Variants in GPC1 observed in about 807,000 individuals in gnomAD.
GPC1 encodes glypican-1.
In GPC1, 26 loss-of-function variants were observed where a neutral mutation model predicts 51.5. The ratio of observed to expected loss-of-function variants is 0.50; its 90% CI spans 0.37 to 0.70. The LOEUF is 0.70. Among genes scored for constraint, GPC1 ranks in the 30% least tolerant of loss-of-function variants. The pLI is 0.00. For synonymous variants in GPC1, 380 were observed against 348.3 expected, an observed-to-expected ratio of 1.09 and a Z score of -1.01; for missense variants, 775 against 800.5, an observed-to-expected ratio of 0.97 and a Z score of 0.38.
At chr2:240,454,944 G>A in intron 1 of GPC1, 2 of 237,044 alleles carry the variant, frequency 8.4e-6, no homozygotes, top group South Asian at 4.4e-5. Context: ...AAGCTTTGGG[G>A]TGAAGGTGCT....
intron 1 of GPC1, chr2:240,454,979 T>C: frequency 1.3e-5 from 3 of 223,690 alleles, no homozygotes; most frequent in South Asian, 5.0e-5. Flanking sequence ...AACTGCGGGG[T>C]GGGGACATGT....
intron 1 of GPC1, among the ~76,000 whole-genome samples, chr2:240,443,460 G>C (rs1049423220): frequency 3.9e-5 from 6 of 152,208 alleles, no homozygotes; most frequent in African/African-American, 1.4e-4. Context: ...CTTGGGTCCT[G>C]CAGGCTTGGC....
In GPC1 at chr2:240,458,763, GC is replaced by G. The variant is rs545216800; in HGVS notation, c.167-266del. ...AGCTGCTGGGACAGCAGGCTGGGGG[GC>G]AGGACTTGCCCAAGGGGCCTCCTGC... On this transcript the variant is annotated intron_variant, in intron 1 of 8. Coordinates refer to ENST00000264039, the MANE Select transcript of GPC1 (RefSeq NM_002081.3). 497 of 439,834 alleles carry G rather than the reference GC, an allele frequency of 1.1e-3. 3 individuals are homozygous for G. The highest frequency in any genetic ancestry group is 1.6e-3 in the Non-Finnish European group (398 of 247,106). 27.2% of individuals were successfully genotyped at this position (439,834 alleles called of 1,614,324 possible).
In GPC1 at chr2:240,462,180, C is replaced by T. The variant is rs2074221477; in HGVS notation, c.326-11C>T. ...AACATGGTCCCGATCACGCCCCCTC[C>T]CTGTGCGCAGACCACTTCCAGCACC... On this transcript the variant is annotated splice_polypyrimidine_tract_variant and intron_variant, in intron 2 of 8. Coordinates refer to ENST00000264039, the MANE Select transcript of GPC1 (RefSeq NM_002081.3). 6.4e-7 allele frequency: 1 copy of T among 1,572,202 alleles called. No homozygotes were observed. The highest frequency in any genetic ancestry group is 8.7e-7 in the Non-Finnish European group (1 of 1,155,860).
In GPC1 at chr2:240,435,888, G is replaced by T; in HGVS notation, c.-31G>T. 4.1e-6 allele frequency: 5 copies of T among 1,212,988 alleles called. No individual in the cohort carries two copies. The highest frequency in any genetic ancestry group is 5.1e-6 in the Non-Finnish European group (5 of 971,748). The allele number at this position is 1,212,988 out of a possible 1,614,324, so 75.1% of individuals were successfully genotyped here. A position where few individuals can be genotyped will look rare whatever the true frequency, so the allele number is the denominator to read the frequency against. On this transcript the variant is annotated 5_prime_UTR_variant, in exon 1 of 9. Transcript: ENST00000264039. ...CGGCCAGGATCCGAGAGAGGCGCGG[G>T]CGGGTGGCCGGGGGCGCCGCCGGCC...
At chr2:240,454,634 A>T (rs752772831) in intron 1 of GPC1, among the ~76,000 whole-genome samples, 3 of 152,226 alleles carry the variant, frequency 2.0e-5, no homozygotes, top group Admixed American at 6.5e-5. Flanking sequence ...GTGGGAGGCA[A>T]TGCAGGCTGA....
intron 4 of GPC1, chr2:240,464,327 T>G (rs535226911): frequency 3.2e-5 from 14 of 437,792 alleles, no homozygotes; most frequent in Middle Eastern, 6.8e-4. Context: ...TGAGCCAGCG[T>G]GGACATACGA....
Position 240,448,707 on chromosome 2 carries a change from C to T in GPC1, c.167-10323C>T, listed in dbSNP as rs1225742933. On this transcript the variant is annotated intron_variant, in intron 1 of 8. Coordinates refer to ENST00000264039, the MANE Select transcript of GPC1 (RefSeq NM_002081.3). This position sits in a 1 kb window ranked among gnomAD's most constrained non-coding sequence, Gnocchi z 4.5. ...GTCTCCCTGGGCTGGGAGCCCTGGG[C>T]GTTCTCGGTGGTGGGCTGTGTGACC... Among the ~76,000 whole-genome samples the T allele has an allele frequency of 6.6e-6, 1 of 152,030 alleles. No homozygotes were observed. Among genetic ancestry groups the T allele is most frequent in the Non-Finnish European group, 1.5e-5 (1 of 67,992 alleles).
chr2:240,443,953 C>T (rs1011133874), intron 1 of GPC1, among the ~76,000 whole-genome samples: 4 of 152,262 alleles, frequency 2.6e-5, no homozygotes, highest in South Asian at 2.1e-4. Context: ...GAGTGACTCA[C>T]TCCTGCTCTG....
intron 2 of GPC1, among the ~76,000 whole-genome samples, 187 bp from the exon 3 acceptor site, chr2:240,462,003 AG>A (rs1343080580): frequency 2.6e-5 from 4 of 151,948 alleles, no homozygotes; most frequent in African/African-American, 7.3e-5. Flanking sequence ...TCCCCAGGCC[AG>A]GGGGTGAGGT....
At chr2:240,456,008 C>T (rs1341642538) in intron 1 of GPC1, 28 of 430,996 alleles carry the variant, frequency 6.5e-5, no homozygotes, top group Non-Finnish European at 1.2e-4. Context: ...CAGGCCGGCG[C>T]CCGAGCTCTG....
At chr2:240,456,089 A>C (rs933053137) in intron 1 of GPC1, 4 of 315,090 alleles carry the variant, frequency 1.3e-5, no homozygotes, top group East Asian at 1.6e-4. Flanking sequence ...GGGCAGCTGG[A>C]ACAACGCAGG....
chr2:240,462,482 C>T lies in GPC1; in HGVS notation c.617C>T (p.Pro206Leu), dbSNP rs371738379. Residue 206 changes from proline (P) to leucine (L), a missense_variant, in exon 3 of 9, where the codon CCG becomes CTG. By Grantham distance (98) the Pro-to-Leu change is moderately conservative (BLOSUM62 -3). Coordinates refer to ENST00000264039, the MANE Select transcript of GPC1 (RefSeq NM_002081.3). Reference protein sequence around the residue: ...AEALRPFGEAPRELRLRATRA... With the variant: ...AEALRPFGEALRELRLRATRA... Reference sequence around the variant, plus strand: ...GCGCTGCGGCCCTTCGGGGAGGCCCCGAGAGAGCTGCGCCTGCGGGCCACC... The same window carrying T: ...GCGCTGCGGCCCTTCGGGGAGGCCCTGAGAGAGCTGCGCCTGCGGGCCACC... The T allele has an allele frequency of 1.2e-5, 20 of 1,600,940 alleles. No individual in the cohort carries two copies. In the Admixed American group the frequency reaches 1.3e-4, roughly 11 times the overall value.
intron 1 of GPC1, among the ~76,000 whole-genome samples, chr2:240,437,135 G>A (rs1013928818): frequency 6.6e-6 from 1 of 152,226 alleles, no homozygotes; most frequent in Non-Finnish European, 1.5e-5. Context: ...GAGTGGGAGT[G>A]CGGGTGGAGG....
chr2:240,450,810 C>G (rs769610544), intron 1 of GPC1: 3 of 469,026 alleles, frequency 6.4e-6, no homozygotes, highest in Admixed American at 4.7e-5. Context: ...CAGGGCCGGC[C>G]TGGGTGCCAG....
intron 1 of GPC1, among the ~76,000 whole-genome samples, chr2:240,436,492 G>C (rs1354691794): frequency 6.6e-6 from 1 of 152,116 alleles, no homozygotes; most frequent in Non-Finnish European, 1.5e-5. Flanking sequence ...GGCTGTCGGG[G>C]CGCTGTGGGG....
Position 240,466,306 on chromosome 2 carries a change from A to T in GPC1, c.*16A>T. On this transcript the variant is annotated 3_prime_UTR_variant, in exon 9 of 9. Coordinates refer to ENST00000264039, the MANE Select transcript of GPC1 (RefSeq NM_002081.3). ...GTGGCGGTAACTGCCCCAAGGCCCC[A>T]GGGACAGAGGCCAAGGACTGACTTT... 1 of 1,371,920 alleles carries T rather than the reference A, an allele frequency of 7.3e-7. No individual in the cohort carries two copies. Among genetic ancestry groups the T allele is most frequent in the Non-Finnish European group, 1.0e-6 (1 of 960,346 alleles). 85.0% of individuals were successfully genotyped at this position (1,371,920 alleles called of 1,614,324 possible). A position where few individuals can be genotyped will look rare whatever the true frequency, so the allele number is the denominator to read the frequency against.
intron 1 of GPC1, chr2:240,455,878 C>A (rs1343882141): frequency 2.1e-5 from 6 of 291,134 alleles, no homozygotes; most frequent in Non-Finnish European, 3.3e-5. Context: ...CAGCGGGAGG[C>A]CTCCTGCCTT....
chr2:240,459,255 G>T, intron 2 of GPC1, 67 bp downstream of exon 2: 1 of 1,444,634 alleles, frequency 6.9e-7, no homozygotes, highest in Non-Finnish European at 9.5e-7. Flanking sequence ...GGCACACTGG[G>T]CCTTGCCTGG....
Sources: allele counts gnomAD v4.1 joint callset (sites outside exome capture counted in the v4.1 genomes callset), GRCh38; gene constraint gnomAD v4.1.1; non-coding constraint Gnocchi (gnomAD v3.1); transcripts MANE v1.5; gene names NCBI Gene and HGNC (gene_info 2026-07-23, HGNC 2026-07-21).